GPC5: variants seen among roughly 807,000 people sequenced by gnomAD.
GPC5 encodes glypican-5.
A neutral mutation model predicts 53.9 loss-of-function variants in GPC5; 47 were observed. That is an observed-to-expected ratio of 0.87 (90% CI 0.69 to 1.11). The LOEUF is 1.11. Ranked by LOEUF, GPC5 falls within the 50% of genes most tolerant of loss-of-function variation. The pLI is 0.00. For synonymous variants in GPC5, 286 were observed against 263.3 expected (o/e 1.09, Z -0.84); for missense variants, 748 against 713.1 (o/e 1.05, Z -0.56).
At chr13:92,041,954 A>G (rs113178604) in intron 6 of GPC5, among the ~76,000 whole-genome samples, 8 of 152,280 alleles carry the variant, frequency 5.3e-5, no homozygotes, top group African/African-American at 1.9e-4. Context: ...AAGTGTCTTC[A>G]AGGTTTTCCT....
chr13:91,577,467 G>A (rs1484614480), intron 2 of GPC5, among the ~76,000 whole-genome samples: 1 of 152,164 alleles, frequency 6.6e-6, no homozygotes, highest in Non-Finnish European at 1.5e-5. Context: ...TAGGGTCTGT[G>A]GACTTTGTCT....
intron 6 of GPC5, among the ~76,000 whole-genome samples, chr13:92,075,882 A>T (rs567546815): frequency 1.3e-5 from 2 of 152,324 alleles, no homozygotes; most frequent in South Asian, 4.1e-4. Context: ...ATTAAGCTTT[A>T]AATTCTAGGC....
intron 2 of GPC5, among the ~76,000 whole-genome samples, chr13:91,689,184 A>AATATATATATAT (rs1169911890): frequency 4.8e-4 from 24 of 49,586 alleles, no homozygotes; most frequent in South Asian, 1.6e-3. Flanking sequence ...ATCATATATA[A>AATATATATATAT]ATATATATAT....
At chr13:91,713,172 TAGAG>T (rs987441664) in intron 3 of GPC5, among the ~76,000 whole-genome samples, 5 of 152,080 alleles carry the variant, frequency 3.3e-5, no homozygotes, top group South Asian at 2.1e-4. Context: ...GCCTGGGTGA[TAGAG>T]AGAGACTCTG....
chr13:92,363,560 G>T (rs1488238588), intron 7 of GPC5, among the ~76,000 whole-genome samples: 1 of 151,752 alleles, frequency 6.6e-6, no homozygotes, highest in Non-Finnish European at 1.5e-5. Flanking sequence ...CTAACATGAG[G>T]TGGAGAGCTC....
intron 7 of GPC5, among the ~76,000 whole-genome samples, chr13:92,459,534 A>G (rs2139408114): frequency 6.6e-6 from 1 of 152,266 alleles, no homozygotes; most frequent in East Asian, 1.9e-4. Flanking sequence ...AATATGACAA[A>G]TTTTCCCCTG....
intron 2 of GPC5, among the ~76,000 whole-genome samples, chr13:91,688,324 T>C (rs2035666498): frequency 6.6e-6 from 1 of 152,154 alleles, no homozygotes; most frequent in Admixed American, 6.6e-5. Context: ...AATATGTTTA[T>C]CCCTAAGCAT....
At chr13:92,512,681 A>G (rs963110322) in intron 7 of GPC5, among the ~76,000 whole-genome samples, 10 of 152,186 alleles carry the variant, frequency 6.6e-5, no homozygotes, top group African/African-American at 2.2e-4. Flanking sequence ...AGAGAAGGGA[A>G]GGGTTCACAT....
intron 7 of GPC5, among the ~76,000 whole-genome samples, chr13:92,732,551 A>G (rs987798664): frequency 4.0e-5 from 6 of 151,522 alleles, no homozygotes; most frequent in Admixed American, 6.6e-5. Flanking sequence ...TCCTTTTTGT[A>G]AATTTGGAAG....
intron 7 of GPC5, among the ~76,000 whole-genome samples, chr13:92,366,653 C>T (rs148188493): frequency 1.2e-4 from 18 of 152,292 alleles, no homozygotes; most frequent in East Asian, 3.9e-4. Flanking sequence ...GCTAAGGCCA[C>T]GAGCATTTAC....
intron 7 of GPC5, among the ~76,000 whole-genome samples, chr13:92,628,897 G>A (rs1350262555): frequency 6.6e-6 from 1 of 152,070 alleles, no homozygotes; most frequent in Admixed American, 6.5e-5. Context: ...AGAAGTGGTG[G>A]GAAGCATTTC....
At chr13:92,319,137 C>G (rs999506800) in intron 7 of GPC5, among the ~76,000 whole-genome samples, 1 of 152,038 alleles carries the variant, frequency 6.6e-6, no homozygotes, top group East Asian at 1.9e-4. Flanking sequence ...GTATAAACAT[C>G]CAGGTTGCTT....
At chr13:91,895,045 C>A (rs1050381466) in intron 5 of GPC5, among the ~76,000 whole-genome samples, 1 of 149,048 alleles carries the variant, frequency 6.7e-6, no homozygotes, top group African/African-American at 2.5e-5. Flanking sequence ...CAAACCAAAT[C>A]CCTAACTTAA....
intron 1 of GPC5, among the ~76,000 whole-genome samples, chr13:91,413,378 C>T (rs925751216): frequency 4.6e-5 from 7 of 151,916 alleles, no homozygotes; most frequent in African/African-American, 1.5e-4. Flanking sequence ...ACTTACATAT[C>T]GATTTATGTA....
intron 7 of GPC5, among the ~76,000 whole-genome samples, chr13:92,577,867 T>C (rs1219869345): frequency 6.6e-6 from 1 of 152,164 alleles, no homozygotes; most frequent in African/African-American, 2.4e-5. Context: ...AAAAAAATTT[T>C]AAAAAATAGG....
intron 7 of GPC5, among the ~76,000 whole-genome samples, chr13:92,179,319 G>T (rs1434504807): frequency 1.3e-5 from 2 of 152,194 alleles, no homozygotes; most frequent in Admixed American, 6.5e-5. Flanking sequence ...TTCCAGATGA[G>T]CATGGCCCTC....
chr13:92,755,281 C>T (rs1403739358), intron 7 of GPC5, among the ~76,000 whole-genome samples: 20 of 139,754 alleles, frequency 1.4e-4, no homozygotes, highest in African/African-American at 3.5e-4. Flanking sequence ...TTGAAACCAA[C>T]GAGAACAAAG....
chr13:91,501,240 G>GTTTTTTTTTT (rs140865584), intron 2 of GPC5, among the ~76,000 whole-genome samples: 7 of 106,434 alleles, frequency 6.6e-5, no homozygotes, highest in Non-Finnish European at 1.3e-4. Context: ...TTAAGACTTT[G>GTTTTTTTTTT]TTTTTTTTTT....
At chr13:92,711,329 C>T (rs916143743) in intron 7 of GPC5, among the ~76,000 whole-genome samples, 1 of 152,156 alleles carries the variant, frequency 6.6e-6, no homozygotes, top group African/African-American at 2.4e-5. Context: ...CACCAAAATA[C>T]TTGCCTCAAC....
Sources: allele counts gnomAD v4.1 joint callset (sites outside exome capture counted in the v4.1 genomes callset), GRCh38; gene constraint gnomAD v4.1.1; transcripts MANE v1.5; gene names NCBI Gene and HGNC (gene_info 2026-07-23, HGNC 2026-07-21).